The following WDFY4 variants were observed in gnomAD, a reference collection of about 807,000 sequenced individuals.
WDFY4 encodes the protein WDFY family member 4.
Under a neutral mutation model 351.9 loss-of-function variants are expected in WDFY4, and 169 were observed. That is an observed-to-expected ratio of 0.48 (90% CI 0.42 to 0.55). WDFY4 has a LOEUF of 0.55. Among genes scored for constraint, WDFY4 ranks in the 20% least tolerant of loss-of-function variants. The probability of loss-of-function intolerance (pLI) is 0.00; values close to 1 mark genes in which losing one functional copy is unlikely to be tolerated. For missense variants in WDFY4, 3,803 were observed against 3,935.6 expected (o/e 0.97, Z 0.90); for synonymous variants, 1,622 against 1,574.6 (o/e 1.03, Z -0.71).
intron 1 of WDFY4, among the ~76,000 whole-genome samples, chr10:48,691,656 A>T (rs1178974614): frequency 6.6e-6 from 1 of 152,242 alleles, no homozygotes; most frequent in Admixed American, 6.5e-5. Flanking sequence ...ATAAAGAGAA[A>T]TATTTGTTGA....
chr10:48,688,730 T>C (rs902740915), intron 1 of WDFY4, among the ~76,000 whole-genome samples: 1 of 151,866 alleles, frequency 6.6e-6, no homozygotes, highest in Non-Finnish European at 1.5e-5. Flanking sequence ...AGGCTAGAGG[T>C]GGTGGTGGCT....
Position 48,957,120 on chromosome 10 carries a change from T to C in WDFY4, c.7978-9T>C. On this transcript the variant is annotated splice_polypyrimidine_tract_variant and intron_variant, in intron 51 of 61. Coordinates refer to ENST00000325239, the MANE Select transcript of WDFY4 (RefSeq NM_001394531.1). ...GAGCGGCTGGTCATGTTGGCTCCAT[T>C]TCCCCCAGGGCGGAAGCTTCGACGT... 1 of 1,546,434 alleles carries C rather than the reference T, an allele frequency of 6.5e-7. No homozygotes were observed. The highest frequency in any genetic ancestry group is 8.7e-7 in the Non-Finnish European group (1 of 1,143,184).
chr10:48,899,997 C>G (rs1475845281), intron 45 of WDFY4, among the ~76,000 whole-genome samples: 1 of 152,180 alleles, frequency 6.6e-6, no homozygotes, highest in East Asian at 1.9e-4. Context: ...CCTGCTTCAA[C>G]AGAACTCCAA....
At chr10:48,770,103 A>C (rs2065812683) in intron 13 of WDFY4, among the ~76,000 whole-genome samples, 1 of 152,244 alleles carries the variant, frequency 6.6e-6, no homozygotes, top group Non-Finnish European at 1.5e-5. Context: ...ACGTTGAAAA[A>C]AACAGCGCAT....
intron 39 of WDFY4, among the ~76,000 whole-genome samples, chr10:48,847,991 C>A (rs2133157748): frequency 6.6e-6 from 1 of 152,304 alleles, no homozygotes; most frequent in Admixed American, 6.5e-5. Context: ...GATTATTACT[C>A]TGGTATTACT....
chr10:48,953,751 A>G (rs748002990), intron 51 of WDFY4, among the ~76,000 whole-genome samples: 9 of 152,242 alleles, frequency 5.9e-5, no homozygotes, highest in Non-Finnish European at 1.3e-4. Flanking sequence ...TCTAGCATAT[A>G]TTATAGAAAT....
rs1426669831 is a variant in WDFY4 at position 48,877,058 on chromosome 10, G to C, written c.7026G>C (p.Glu2342Asp). 1.3e-6 allele frequency: 2 copies of C among 1,512,480 alleles called. No homozygotes were observed. The highest frequency in any genetic ancestry group is 4.4e-5 in the Admixed American group (2 of 45,140). The allele number at this position is 1,512,480 out of a possible 1,614,324, so 93.7% of individuals were successfully genotyped here. A position where few individuals can be genotyped will look rare whatever the true frequency, so the allele number is the denominator to read the frequency against. ...ATGAACTGACACTGAGGGAGGCTGA[G>C]GGCGAGCCGGACGAGGTGGGGGTGG... ...NQDELTLREA[E>D]GEPDEVGVDC... Residue 2342 changes from glutamate (E) to aspartate (D), a missense_variant, in exon 43 of 62, where the codon GAG becomes GAC. Around this residue, in one of 3 missense-constraint regions of WDFY4, gnomAD observed 3,054 missense variants for 3,148.6 expected, o/e 0.97. Coordinates refer to ENST00000325239, the MANE Select transcript of WDFY4 (RefSeq NM_001394531.1).
rs750606875 is a variant in WDFY4, at chr10:48,721,355, G to A, written c.444G>A (p.Thr148=). 1.2e-4 allele frequency: 192 copies of A among 1,551,522 alleles called. No individual in the cohort carries two copies. The highest frequency in any genetic ancestry group is 6.3e-4 in the Admixed American group (32 of 50,984). The change falls in exon 4 of 62, where the codon ACG becomes ACA. Residue 148 remains threonine (T), a synonymous_variant. Transcript: ENST00000325239. The part of the protein sequence containing the change: ...YLLLKSVYVL[T]GTDSETLGRV... ...TCCTGAAGTCAGTGTACGTGCTCAC[G>A]GGGACAGACTCGGTAAGTTTCAGAC...
At chr10:48,915,618 G>A (rs1443401973) in intron 47 of WDFY4, among the ~76,000 whole-genome samples, 2 of 152,108 alleles carry the variant, frequency 1.3e-5, no homozygotes, top group African/African-American at 4.8e-5. Flanking sequence ...TGGGAATATA[G>A]TTGTATGTTT....
At chr10:48,823,623 T>C in intron 35 of WDFY4, 1 of 1,015,912 alleles carries the variant, frequency 9.8e-7, no homozygotes, top group Non-Finnish European at 1.2e-6. Context: ...TTGTCAGCTC[T>C]GTGAGGGTTA....
chr10:48,950,615 G>A (rs1253790018), intron 51 of WDFY4, among the ~76,000 whole-genome samples: 1 of 152,290 alleles, frequency 6.6e-6, no homozygotes, highest in East Asian at 1.9e-4. Context: ...CTAGCCCTGG[G>A]GACACCAAGC....
intron 14 of WDFY4, among the ~76,000 whole-genome samples, chr10:48,775,338 C>A (rs752270522): frequency 6.6e-6 from 1 of 152,158 alleles, no homozygotes; most frequent in African/African-American, 2.4e-5. Flanking sequence ...GTGTAGAGGG[C>A]GCACAGACAG....
chr10:48,813,832 G>T (rs2067533486), intron 30 of WDFY4, 125 bp from the exon 31 acceptor site: 5 of 1,185,114 alleles, frequency 4.2e-6, no homozygotes, highest in Non-Finnish European at 4.5e-6. Context: ...CAACCACCTA[G>T]GCTGCCAGTG....
chr10:48,774,891 G>C (rs768881980), intron 14 of WDFY4, among the ~76,000 whole-genome samples: 4 of 152,202 alleles, frequency 2.6e-5, no homozygotes, highest in East Asian at 3.9e-4. Context: ...TGGATCACGT[G>C]GGGGCTGGAG....
rs200269224 is a variant in WDFY4, at chr10:48,901,754, A to G, written c.7524-47A>G. ...CGGAAATGCCTCTGCAGCAGGAGAA[A>G]GGGTCTTGACTCTGCTGATGGAATT... On this transcript the variant is annotated intron_variant, in intron 46 of 61. Transcript: ENST00000325239. The G allele has an allele frequency of 1.4e-5, 21 of 1,540,062 alleles. No homozygotes were observed. In the East Asian group the frequency reaches 4.9e-4, roughly 36 times the overall value.
At chr10:48,959,144 T>C (rs1189172744) in intron 52 of WDFY4, among the ~76,000 whole-genome samples, 1 of 152,220 alleles carries the variant, frequency 6.6e-6, no homozygotes, top group African/African-American at 2.4e-5. Flanking sequence ...GTTGGGCAGC[T>C]AATGGGGAGG....
chr10:48,731,352 G>T lies in WDFY4; in HGVS notation c.1372G>T (p.Glu458Ter). 1 of 1,551,764 alleles carries T rather than the reference G, an allele frequency of 6.4e-7. No individual in the cohort carries two copies. The highest frequency in any genetic ancestry group is 8.7e-7 in the Non-Finnish European group (1 of 1,146,992). The part of the protein sequence containing the change: ...FFQLLEALVF[E>*]LHYVPHEILR... Reference sequence around the variant, plus strand: ...CCAGCTTCTAGAGGCCCTGGTGTTCGAGCTGCACTACGTGCCTCATGAGAT... The same window carrying T: ...CCAGCTTCTAGAGGCCCTGGTGTTCTAGCTGCACTACGTGCCTCATGAGAT... Residue 458 changes from glutamate (E) to a stop codon, truncating the protein, a stop_gained, in exon 9 of 62, where the codon GAG becomes TAG. Coordinates refer to ENST00000325239, the MANE Select transcript of WDFY4 (RefSeq NM_001394531.1). LOFTEE classifies it high-confidence loss of function.
At chr10:48,753,786 T>G (rs2065251179) in intron 12 of WDFY4, among the ~76,000 whole-genome samples, 1 of 152,244 alleles carries the variant, frequency 6.6e-6, no homozygotes, top group Non-Finnish European at 1.5e-5. Flanking sequence ...TCTGGAAATG[T>G]GAGTTGTCCA....
chr10:48,717,605 A>G (rs982045013), intron 2 of WDFY4, among the ~76,000 whole-genome samples: 3 of 152,200 alleles, frequency 2.0e-5, no homozygotes, highest in Non-Finnish European at 4.4e-5. Context: ...TTAGCTACAT[A>G]TAAGGCCATC....
Sources: gnomAD v4.1 joint callset for allele counts (sites outside exome capture counted in the v4.1 genomes callset) on GRCh38, gnomAD v4.1.1 for gene constraint, gnomAD v4.1.1 regional missense constraint, MANE v1.5 for transcripts, NCBI Gene and HGNC (gene_info 2026-07-23, HGNC 2026-07-21) for gene names.